The following SNX18 variants were observed in gnomAD, a reference collection of about 807,000 sequenced individuals.
The protein encoded by SNX18 is sorting nexin-18.
In SNX18, 35 loss-of-function variants were observed where a neutral mutation model predicts 48.7. The ratio of observed to expected loss-of-function variants is 0.72; its 90% CI spans 0.55 to 0.95. SNX18 has a LOEUF of 0.95. SNX18 is among the 40% of genes least tolerant of loss of function. The probability of loss-of-function intolerance (pLI) is 0.00; values close to 1 mark genes in which losing one functional copy is unlikely to be tolerated. For missense variants in SNX18, 824 were observed against 871.0 expected (o/e 0.95, Z 0.68); for synonymous variants, 492 against 384.7 (o/e 1.28, Z -3.26).
chr5:54,550,737 A>G (rs991174630), downstream of SNX18, among the ~76,000 whole-genome samples: 1 of 151,994 alleles, frequency 6.6e-6, no homozygotes, highest in African/African-American at 2.4e-5. Flanking sequence ...GGTGCCCGCC[A>G]CCATGCCTGG....
chr5:54,618,019 A>G, the SNX18 span, among the ~76,000 whole-genome samples: 8,030 of 152,282 alleles, frequency 0.053, 284 homozygotes, highest in Non-Finnish European at 0.082. Flanking sequence ...GTCCCCATCC[A>G]AATCTCATCT....
intron 1 of SNX18, among the ~76,000 whole-genome samples, chr5:54,532,678 C>T (rs1037053252): frequency 2.0e-5 from 3 of 152,108 alleles, no homozygotes; most frequent in African/African-American, 7.2e-5. Context: ...ACTGTGTTTT[C>T]AGAATTCTCC....
the SNX18 span, among the ~76,000 whole-genome samples, chr5:54,586,500 T>C: frequency 1.3e-5 from 2 of 152,140 alleles, no homozygotes; most frequent in African/African-American, 4.8e-5. Context: ...TCCAAGAACA[T>C]GGCACTGGCA....
chr5:54,576,982 A>G, the SNX18 span, among the ~76,000 whole-genome samples: 1 of 151,908 alleles, frequency 6.6e-6, no homozygotes, highest in African/African-American at 2.4e-5. Flanking sequence ...TTGTATTTTT[A>G]GTAGAGATGG....
At chr5:54,523,665 G>T (rs1762074347) in intron 1 of SNX18, among the ~76,000 whole-genome samples, 1 of 152,172 alleles carries the variant, frequency 6.6e-6, no homozygotes, top group South Asian at 2.1e-4. Flanking sequence ...CTCTCTAAAT[G>T]TTCCAGATGG....
In SNX18 at chr5:54,546,240, T is replaced by G. The variant is rs1762575693; in HGVS notation, c.*2808T>G. On this transcript the variant is annotated 3_prime_UTR_variant, in exon 2 of 2. Transcript: ENST00000381410. ...GATTTTTAATTGTCTTAAATTTTGCTGCTGTTCTCATAATTAAGGACTTGA... is the reference window on the plus strand; with the variant it reads ...GATTTTTAATTGTCTTAAATTTTGCGGCTGTTCTCATAATTAAGGACTTGA... The G allele has an allele frequency of 6.6e-6, 1 of 152,250 alleles. No individual in the cohort carries two copies. Among genetic ancestry groups the G allele is most frequent in the Non-Finnish European group, 1.5e-5 (1 of 68,034 alleles). The allele number at this position is 152,250 out of a possible 1,614,324, so 9.4% of individuals were successfully genotyped here.
At chr5:54,557,092 G>A in the SNX18 span, among the ~76,000 whole-genome samples, 5 of 152,152 alleles carry the variant, frequency 3.3e-5, no homozygotes, top group Non-Finnish European at 7.3e-5. Context: ...AGAATCAATG[G>A]CAAGGAAAAT....
chr5:54,632,878 G>T, the SNX18 span, among the ~76,000 whole-genome samples: 13 of 152,016 alleles, frequency 8.6e-5, no homozygotes, highest in African/African-American at 2.9e-4. Flanking sequence ...GGGTTCAAGT[G>T]ATTCTCCTGC....
In SNX18 at chr5:54,528,213, C is replaced by T. The variant is rs150182192; in HGVS notation, c.1621+8640C>T. Reference sequence around the variant, plus strand: ...AGTTATAACATGTTTACTGGGGTCTCGTTTGCTTAATTCAGAGCACAAGAT... The same window carrying T: ...AGTTATAACATGTTTACTGGGGTCTTGTTTGCTTAATTCAGAGCACAAGAT... On this transcript the variant is annotated intron_variant, in intron 1 of 1. Transcript: ENST00000381410. 4.9e-4 allele frequency among the ~76,000 whole-genome samples: 75 copies of T among 152,102 alleles called. 1 individual carries two copies. In the East Asian group the frequency reaches 0.012, roughly 24 times the overall value.
At chr5:54,618,842 A>G in the SNX18 span, among the ~76,000 whole-genome samples, 1 of 152,180 alleles carries the variant, frequency 6.6e-6, no homozygotes, top group Non-Finnish European at 1.5e-5. Flanking sequence ...CAATAAGTAA[A>G]AAGATATACA....
chr5:54,543,249 C>T lies in SNX18; in HGVS notation c.1692C>T (p.Asp564=), dbSNP rs200078572. The T allele has an allele frequency of 2.2e-5, 35 of 1,614,130 alleles. No individual in the cohort carries two copies. The highest frequency in any genetic ancestry group is 9.3e-5 in the African/African-American group (7 of 75,038). Residue 564 remains aspartate (D), a synonymous_variant, in exon 2 of 2, where the codon GAC becomes GAT. Coordinates refer to ENST00000381410, the MANE Select transcript of SNX18 (RefSeq NM_001102575.2). The part of the protein sequence containing the change: ...EEGKMEVQKA[D]GIQDRCNTIS... ...GGAAGATGGAGGTGCAGAAGGCTGA[C>T]GGCATTCAGGATCGCTGTAACACTA...
chr5:54,587,907 G>A, the SNX18 span, among the ~76,000 whole-genome samples: 1 of 152,180 alleles, frequency 6.6e-6, no homozygotes, highest in African/African-American at 2.4e-5. Context: ...GTGGGCATAA[G>A]ATGACATCCT....
chr5:54,550,622 C>T (rs944763938), downstream of SNX18, among the ~76,000 whole-genome samples: 2 of 152,130 alleles, frequency 1.3e-5, no homozygotes, highest in Admixed American at 6.6e-5. Context: ...CTTGGTCTGT[C>T]GCCCAGGCTG....
At chr5:54,555,717 C>T in the SNX18 span, among the ~76,000 whole-genome samples, 1 of 151,636 alleles carries the variant, frequency 6.6e-6, no homozygotes, top group African/African-American at 2.4e-5. Flanking sequence ...GTCCCAGCTA[C>T]TGAGGAGGCT....
chr5:54,548,084 A>G (rs1460294633), downstream of SNX18, among the ~76,000 whole-genome samples: 1 of 152,144 alleles, frequency 6.6e-6, no homozygotes, highest in Non-Finnish European at 1.5e-5. Flanking sequence ...TCATGGCTAT[A>G]GCCTTTCCAG....
the SNX18 span, among the ~76,000 whole-genome samples, chr5:54,575,875 C>T: frequency 2.0e-4 from 31 of 152,264 alleles, no homozygotes; most frequent in Admixed American, 1.9e-3. Flanking sequence ...CCCTCAGTTT[C>T]CTGCCACTAG....
chr5:54,602,301 C>T, the SNX18 span, among the ~76,000 whole-genome samples: 1 of 152,120 alleles, frequency 6.6e-6, no homozygotes, highest in African/African-American at 2.4e-5. Context: ...CAGCTGGCCC[C>T]AATAGAGAGG....
the SNX18 span, among the ~76,000 whole-genome samples, chr5:54,556,260 G>T: frequency 6.6e-6 from 1 of 152,142 alleles, no homozygotes; most frequent in African/African-American, 2.4e-5. Flanking sequence ...TTATTACCTT[G>T]CAGTTCTGGA....
chr5:54,613,656 T>A, the SNX18 span, among the ~76,000 whole-genome samples: 3 of 152,206 alleles, frequency 2.0e-5, no homozygotes, highest in Non-Finnish European at 4.4e-5. Context: ...AAGTGTGAAC[T>A]TCTTGTTTTA....
Sources: allele counts gnomAD v4.1 joint callset (sites outside exome capture counted in the v4.1 genomes callset), GRCh38; gene constraint gnomAD v4.1.1; transcripts MANE v1.5; gene names NCBI Gene and HGNC (gene_info 2026-07-23, HGNC 2026-07-21).